Variants in HECTD4 observed in about 807,000 individuals in gnomAD.
HECTD4 encodes the protein HECT domain E3 ubiquitin protein ligase 4.
HECTD4 carries 114 observed loss-of-function variants against 471.5 expected under a neutral mutation model. That is an observed-to-expected ratio of 0.24 (90% CI 0.21 to 0.28). The LOEUF is 0.28. Among genes scored for constraint, HECTD4 ranks in the 10% least tolerant of loss-of-function variants. The pLI, the probability that HECTD4 is intolerant of heterozygous loss-of-function variation, is 1.00. For synonymous variants in HECTD4, 2,012 were observed against 2,256.0 expected (o/e 0.89, Z 3.07); for missense variants, 3,866 against 5,651.5 (o/e 0.68, Z 10.13).
chr12:112,278,242 T>C (rs997763826), intron 9 of HECTD4, among the ~76,000 whole-genome samples: 1 of 152,102 alleles, frequency 6.6e-6, no homozygotes, highest in Non-Finnish European at 1.5e-5. Flanking sequence ...AGGTTTCTTT[T>C]TGGGGTGACG....
At chr12:112,284,754 G>A (rs61625045) in intron 7 of HECTD4, among the ~76,000 whole-genome samples, 2,146 of 152,196 alleles carry the variant, frequency 0.014, 55 homozygotes, top group African/African-American at 0.048. Flanking sequence ...TTCCTTGCAG[G>A]TCGCGCCATC....
chr12:112,225,637 A>G (rs2033214661), intron 44 of HECTD4, among the ~76,000 whole-genome samples: 1 of 151,326 alleles, frequency 6.6e-6, no homozygotes, highest in African/African-American at 2.4e-5. Context: ...AAAAAAAAAA[A>G]GACTAAGAGG....
intron 1 of HECTD4, among the ~76,000 whole-genome samples, chr12:112,328,524 C>T (rs967269133): frequency 2.6e-5 from 4 of 152,042 alleles, no homozygotes; most frequent in Non-Finnish European, 5.9e-5. Flanking sequence ...GATTTTTTTT[C>T]TACCATTTTT....
chr12:112,200,153 C>A (rs934471719), intron 55 of HECTD4, among the ~76,000 whole-genome samples: 1 of 148,940 alleles, frequency 6.7e-6, no homozygotes, highest in African/African-American at 2.5e-5. Context: ...TCTAGATCCC[C>A]CATTTTTTTT....
chr12:112,334,317 TCAAA>T (rs2135718477), intron 1 of HECTD4, among the ~76,000 whole-genome samples: 1 of 150,330 alleles, frequency 6.7e-6, no homozygotes, highest in African/African-American at 2.4e-5. Context: ...TACAGTGAAC[TCAAA>T]CAAATTAGCA....
At chr12:112,255,605 C>A (rs964220348) in intron 21 of HECTD4, among the ~76,000 whole-genome samples, 3 of 152,168 alleles carry the variant, frequency 2.0e-5, no homozygotes, top group Non-Finnish European at 4.4e-5. Flanking sequence ...ACACAGTTCA[C>A]AGGGGAGAGA....
intron 32 of HECTD4, 72 bp from the exon 33 acceptor site, chr12:112,240,099 T>C (rs1280446984): frequency 2.7e-6 from 4 of 1,488,760 alleles, no homozygotes; most frequent in Non-Finnish European, 3.7e-6. Context: ...GAGAGGCCTC[T>C]TGAGAAACTC....
chr12:112,291,857 G>A lies in HECTD4; in HGVS notation c.1336-8555C>T, dbSNP rs2034895380. Reference sequence around the variant, plus strand: ...ACTGCACTCCAGCCTGGGTGACAGAGTGAGTCTCCATCTCAGAAAAAGAAA... The same window carrying A: ...ACTGCACTCCAGCCTGGGTGACAGAATGAGTCTCCATCTCAGAAAAAGAAA... On this transcript the variant is annotated intron_variant, in intron 7 of 75. Transcript: ENST00000682272. Among the ~76,000 whole-genome samples, 4 of 152,132 alleles carry A rather than the reference G, an allele frequency of 2.6e-5. No homozygotes were observed. In the South Asian group the frequency reaches 6.2e-4, roughly 24 times the overall value.
chr12:112,306,461 T>C (rs2035273372), intron 6 of HECTD4, among the ~76,000 whole-genome samples: 1 of 152,170 alleles, frequency 6.6e-6, no homozygotes, highest in South Asian at 2.1e-4. Context: ...ATGCAACAGA[T>C]GAAAAGGTTC....
chr12:112,358,274 T>C (rs1236810523), intron 1 of HECTD4, among the ~76,000 whole-genome samples: 1 of 152,134 alleles, frequency 6.6e-6, no homozygotes, highest in Non-Finnish European at 1.5e-5. Context: ...AATAATGTGG[T>C]CAGTTAAAAT....
At chr12:112,236,759 C>T (rs2033514732) in intron 35 of HECTD4, among the ~76,000 whole-genome samples, 186 bp downstream of exon 35, 1 of 152,130 alleles carries the variant, frequency 6.6e-6, no homozygotes, top group Admixed American at 6.5e-5. Context: ...CTAAATAATC[C>T]TTATATTTTG....
intron 1 of HECTD4, among the ~76,000 whole-genome samples, chr12:112,342,575 T>C (rs946750941): frequency 6.6e-6 from 1 of 152,224 alleles, no homozygotes; most frequent in Non-Finnish European, 1.5e-5. Context: ...AAGTAAAATA[T>C]ATAAAATTGC....
intron 14 of HECTD4, 76 bp from the exon 15 acceptor site, chr12:112,266,059 TA>T (rs2034264395): frequency 1.9e-6 from 2 of 1,058,576 alleles, no homozygotes; most frequent in African/African-American, 1.6e-5. Context: ...AAAAAGTTTT[TA>T]AACAAATAGA....
At position 112,163,058 on chromosome 12, in the gene HECTD4, G is replaced by A. The variant is rs747556052; in HGVS notation, c.13104C>T (p.Pro4368=). 1 of 1,611,660 alleles carries A rather than the reference G, an allele frequency of 6.2e-7. No homozygotes were observed. The highest frequency in any genetic ancestry group is 8.5e-7 in the Non-Finnish European group (1 of 1,178,408). The part of the protein sequence containing the change: ...HVPPYPMKIA[P]PDGTAGSPDS... ...GGGCGGTACCTGCTGTGCCATCTGG[G>A]GGGGCGATCTTCATGGGGTACGGGG... Residue 4368 remains proline (P), a synonymous_variant, in exon 75 of 76, where the codon CCC becomes CCT. Transcript: ENST00000682272. This position sits in a 1 kb window ranked among gnomAD's most constrained non-coding sequence, Gnocchi z 8.2.
At position 112,194,568 on chromosome 12, in the gene HECTD4, A is replaced by G. The variant is rs543321648; in HGVS notation, c.8749+317T>C. ...TGACAGGAACATCTCCTTTCTTTCT[A>G]ATGTCAAATAGAATGTCTGTGGCAA... On this transcript the variant is annotated intron_variant, in intron 56 of 75. Coordinates refer to ENST00000682272, the MANE Select transcript of HECTD4 (RefSeq NM_001388303.1). This position sits in a 1 kb window ranked among gnomAD's most constrained non-coding sequence, Gnocchi z 4.6. Among the ~76,000 whole-genome samples the G allele has an allele frequency of 6.6e-6, 1 of 152,216 alleles. No individual in the cohort carries two copies. Among genetic ancestry groups the G allele is most frequent in the Non-Finnish European group, 1.5e-5 (1 of 68,028 alleles).
At chr12:112,378,544 T>C (rs1217642270) in intron 1 of HECTD4, among the ~76,000 whole-genome samples, 1 of 152,058 alleles carries the variant, frequency 6.6e-6, no homozygotes, top group African/African-American at 2.4e-5. Context: ...AGACGTCTAT[T>C]GCACTCTTCT....
chr12:112,274,957 A>G lies in HECTD4; in HGVS notation c.1691T>C (p.Leu564Pro). 2 of 1,534,900 alleles carry G rather than the reference A, an allele frequency of 1.3e-6. No homozygotes were observed. The highest frequency in any genetic ancestry group is 2.0e-5 in the Admixed American group (1 of 50,834). The change falls in exon 10 of 76, where the codon CTA becomes CCA. Residue 564 changes from leucine (L) to proline (P), a missense_variant. Around this residue, in one of 16 missense-constraint regions of HECTD4, gnomAD observed 525 missense variants for 672.6 expected, o/e 0.78. Transcript: ENST00000682272. ...GTSGLSSLKI[L>P]ASSLVYNISD... ...AATATTATACACCAAGCTGGAGGCTAGGACTTTGGAAACAAACATTAAGCT... is the reference window on the plus strand; with the variant it reads ...AATATTATACACCAAGCTGGAGGCTGGGACTTTGGAAACAAACATTAAGCT...
chr12:112,336,249 C>T lies in HECTD4; in HGVS notation c.178-16507G>A, dbSNP rs900774167. Among the ~76,000 whole-genome samples the T allele has an allele frequency of 2.1e-4, 32 of 152,098 alleles. No individual in the cohort carries two copies. In the East Asian group the frequency reaches 5.0e-3, roughly 24 times the overall value. On this transcript the variant is annotated intron_variant, in intron 1 of 75. Transcript: ENST00000682272. ...TTATAGTTTAAAAAACATGGCCGGG[C>T]GCGGTGGCTCATGCCTGTAATCTCA... is the stretch of plus-strand genomic sequence containing the variant.
chr12:112,206,852 T>C (rs1388926969), intron 52 of HECTD4, among the ~76,000 whole-genome samples: 2 of 152,018 alleles, frequency 1.3e-5, no homozygotes, highest in African/African-American at 2.4e-5. Flanking sequence ...CTGCTTTTTT[T>C]ACACAAGGCC....
Sources: allele counts gnomAD v4.1 joint callset (sites outside exome capture counted in the v4.1 genomes callset), GRCh38; gene constraint gnomAD v4.1.1; regional missense constraint gnomAD v4.1.1; non-coding constraint Gnocchi (gnomAD v3.1); transcripts MANE v1.5; gene names NCBI Gene and HGNC (gene_info 2026-07-23, HGNC 2026-07-21).